LPCAT1: variants seen among roughly 807,000 people sequenced by gnomAD.
The protein encoded by LPCAT1 is lysophosphatidylcholine acyltransferase 1.
A neutral mutation model predicts 60.9 loss-of-function variants in LPCAT1; 23 were observed. The observed-to-expected ratio is 0.38, with a 90% CI of 0.27 to 0.53. LPCAT1 has a LOEUF of 0.53. Among genes scored for constraint, LPCAT1 ranks in the 20% least tolerant of loss-of-function variants. LPCAT1 has a pLI of 0.82. For missense variants in LPCAT1, 622 were observed against 723.6 expected, an observed-to-expected ratio of 0.86 and a Z score of 1.61; for synonymous variants, 340 against 301.1, an observed-to-expected ratio of 1.13 and a Z score of -1.34.
At chr5:1,464,783 C>T (rs12516379) in intron 13 of LPCAT1, among the ~76,000 whole-genome samples, 1,509 of 147,574 alleles carry the variant, frequency 0.01, 26 homozygotes, top group African/African-American at 0.035. Context: ...ACCAAACACA[C>T]GTGCGCGCAC....
chr5:1,512,328 GCAT>G (rs1332789267), intron 1 of LPCAT1, among the ~76,000 whole-genome samples: 2 of 152,194 alleles, frequency 1.3e-5, no homozygotes, highest in African/African-American at 4.8e-5. Context: ...TGTCAGCTCT[GCAT>G]CATCATCCCA....
rs7702074 is a variant in LPCAT1, at chr5:1,521,361, T to C, written c.135+2349A>G. 1,671 of 985,452 alleles carry C rather than the reference T, an allele frequency of 1.7e-3. 18 individuals are homozygous for C. The African/African-American group carries it at 0.026, about 15-fold the overall frequency. The allele number at this position is 985,452 out of a possible 1,614,324, so 61.0% of individuals were successfully genotyped here. On this transcript the variant is annotated intron_variant, in intron 1 of 13. Coordinates refer to ENST00000283415, the MANE Select transcript of LPCAT1 (RefSeq NM_024830.5). This position sits in a 1 kb window ranked among gnomAD's most constrained non-coding sequence, Gnocchi z 4.3. ...CAGGTACTCACTGGTTTATCTCAAC[T>C]GGGAACTTAGCTGGGTTTCTGCGGG... is the stretch of plus-strand genomic sequence containing the variant.
chr5:1,470,287 C>G (rs1480248762), intron 12 of LPCAT1, among the ~76,000 whole-genome samples: 2 of 152,268 alleles, frequency 1.3e-5, no homozygotes, highest in Non-Finnish European at 2.9e-5. Context: ...CCCTCCAGGC[C>G]TGACCCAGAC....
At position 1,463,756 on chromosome 5, in the gene LPCAT1, G is replaced by A. The variant is rs778231964; in HGVS notation, c.1500C>T (p.Ser500=). Residue 500 remains serine (S), a synonymous_variant, in exon 14 of 14, where the codon AGC becomes AGT. Coordinates refer to ENST00000283415, the MANE Select transcript of LPCAT1 (RefSeq NM_024830.5). The part of the protein sequence containing the change: ...YLYPDQTHFE[S]CAETSPAPIP... ...TTGGCGCAGGTGAGGTCTCTGCACA[G>A]CTTTCGAAATGTGTCTGATCCGGGT... 5 of 1,614,278 alleles carry A rather than the reference G, an allele frequency of 3.1e-6. No homozygotes were observed. The highest frequency in any genetic ancestry group is 2.2e-5 in the East Asian group (1 of 44,876).
In LPCAT1 at chr5:1,506,741, GGCAGCGTC is replaced by G. The variant is rs1219080552; in HGVS notation, c.136-5146_136-5139del. ...AGGGGGCTGGCAGTGCGGTCTCCCA[GGCAGCGTC>G]GCTGGAGACTCAGGTCGCTAAAGTG... On this transcript the variant is annotated intron_variant, in intron 1 of 13. Transcript: ENST00000283415. 7.2e-5 allele frequency among the ~76,000 whole-genome samples: 11 copies of G among 152,392 alleles called. No homozygotes were observed. In the East Asian group the frequency reaches 2.1e-3, roughly 29 times the overall value.
Position 1,480,465 on chromosome 5 carries a change from G to T in LPCAT1, c.761+477C>A. 3.0e-6 allele frequency: 2 copies of T among 677,546 alleles called. No individual in the cohort carries two copies. Among genetic ancestry groups the T allele is most frequent in the Non-Finnish European group, 3.6e-6 (2 of 548,842 alleles). The allele number at this position is 677,546 out of a possible 1,614,324, so 42.0% of individuals were successfully genotyped here. A position where few individuals can be genotyped will look rare whatever the true frequency, so the allele number is the denominator to read the frequency against. Reference sequence around the variant, plus strand: ...TGTGGCCCCGGGCTTCTCCTCTGGGGCTCGTTCCCGTTTCCGTGGGGTTGT... The same window carrying T: ...TGTGGCCCCGGGCTTCTCCTCTGGGTCTCGTTCCCGTTTCCGTGGGGTTGT... On this transcript the variant is annotated intron_variant, in intron 7 of 13. Transcript: ENST00000283415. This position sits in a 1 kb window ranked among gnomAD's most constrained non-coding sequence, Gnocchi z 6.4.
chr5:1,494,865 C>T lies in LPCAT1; in HGVS notation c.328G>A (p.Gly110Ser), dbSNP rs369052835. 13 of 1,613,090 alleles carry T rather than the reference C, an allele frequency of 8.1e-6. No individual in the cohort carries two copies. The highest frequency in any genetic ancestry group is 2.2e-5 in the South Asian group (2 of 90,998). ...KAIMRTMWFA[G>S]GFHRVAVKGR... ...TTCACGGCCACCCGGTGGAAGCCGC[C>T]GGCGAACCACATGGTGCGCATGATG... is the stretch of plus-strand genomic sequence containing the variant. The change falls in exon 3 of 14, where the codon GGC becomes AGC. Residue 110 changes from glycine to serine, a missense_variant. Physicochemically the swap from Gly to Ser is moderately conservative, Grantham distance 56. This residue lies in a region of LPCAT1 where 209 missense variants were observed against 325.5 expected (regional missense o/e 0.64). Transcript: ENST00000283415.
chr5:1,466,864 G>A lies in LPCAT1; in HGVS notation c.1305C>T (p.Ser435=), dbSNP rs1462910378. The part of the protein sequence containing the change: ...FKMYGAQEDG[S]VGEGDLSCIL... The stretch of plus-strand genomic sequence containing the variant: ...TGCAGGACAGGTCACCTTCGCCGAC[G>A]CTGCCGTCCTCTTGCGCTCCGTACA... The change falls in exon 13 of 14, where the codon AGC becomes AGT. Residue 435 remains serine, a synonymous_variant. Coordinates refer to ENST00000283415, the MANE Select transcript of LPCAT1 (RefSeq NM_024830.5). 2.5e-6 allele frequency: 4 copies of A among 1,607,620 alleles called. No individual in the cohort carries two copies. The highest frequency in any genetic ancestry group is 3.4e-6 in the Non-Finnish European group (4 of 1,176,220).
At chr5:1,479,551 A>G in intron 8 of LPCAT1, 70 bp downstream of exon 8, 1 of 1,112,028 alleles carries the variant, frequency 9.0e-7, no homozygotes, top group South Asian at 1.2e-5. Context: ...TTATCTGGGC[A>G]TCCTGGTGTA....
At chr5:1,469,478 G>A (rs772143172) in intron 12 of LPCAT1, among the ~76,000 whole-genome samples, 11 of 152,240 alleles carry the variant, frequency 7.2e-5, no homozygotes, top group Non-Finnish European at 1.6e-4. Context: ...TACAGCAGGG[G>A]CTGGTGGGGC....
intron 1 of LPCAT1, among the ~76,000 whole-genome samples, chr5:1,508,580 C>A (rs534172017): frequency 6.6e-6 from 1 of 152,306 alleles, no homozygotes; most frequent in East Asian, 1.9e-4. Context: ...CGGTCTCGGA[C>A]TCCAGCCTCC....
At chr5:1,471,913 GGA>G (rs1734686333) in intron 11 of LPCAT1, among the ~76,000 whole-genome samples, 1 of 149,218 alleles carries the variant, frequency 6.7e-6, no homozygotes, top group East Asian at 2.0e-4. Context: ...GGAGCACCCA[GGA>G]GAGGGGAAGA....
rs920949210 is a variant in LPCAT1 at position 1,477,545 on chromosome 5, G to A, written c.817-59C>T. 7.1e-6 allele frequency: 9 copies of A among 1,275,578 alleles called. No homozygotes were observed. The South Asian group carries it at 1.1e-4, about 16-fold the overall frequency. The allele number at this position is 1,275,578 out of a possible 1,614,324, so 79.0% of individuals were successfully genotyped here. On this transcript the variant is annotated intron_variant, in intron 8 of 13. Transcript: ENST00000283415. The surrounding 1 kb of genome is among the most constrained non-coding windows in gnomAD (Gnocchi z 6.0). ...AGACGCTGACCTCAGCAACACCACT[G>A]TAACGACAACTGGGAGGCTGACAAA...
intron 1 of LPCAT1, among the ~76,000 whole-genome samples, chr5:1,501,852 G>A (rs1736025964): frequency 6.6e-6 from 1 of 152,094 alleles, no homozygotes; most frequent in South Asian, 2.1e-4. Context: ...GACCAAGGCT[G>A]ACCGGCACTG....
intron 1 of LPCAT1, among the ~76,000 whole-genome samples, chr5:1,508,309 G>A (rs577700900): frequency 2.6e-5 from 4 of 152,268 alleles, no homozygotes; most frequent in South Asian, 4.1e-4. Context: ...TGAATTTTGC[G>A]CCCCCTTCCC....
chr5:1,495,290 T>C lies in LPCAT1; in HGVS notation c.279-376A>G, dbSNP rs1560978914. On this transcript the variant is annotated intron_variant, in intron 2 of 13. Transcript: ENST00000283415. This position sits in a 1 kb window ranked among gnomAD's most constrained non-coding sequence, Gnocchi z 4.7. ...TTATCAGCATCCTATCATTTTGAAA[T>C]GGGAAAAACATTAAAACACCTAAAA... Among the ~76,000 whole-genome samples the C allele has an allele frequency of 6.8e-6, 1 of 146,614 alleles. No homozygotes were observed. Among genetic ancestry groups the C allele is most frequent in the Non-Finnish European group, 1.5e-5 (1 of 66,736 alleles).
chr5:1,463,776 C>A lies in LPCAT1; in HGVS notation c.1480G>T (p.Asp494Tyr). Reference sequence around the variant, plus strand: ...GCACAGCTTTCGAAATGTGTCTGATCCGGGTACAGGTATTCCTCTGCGAAG... The same window carrying A: ...GCACAGCTTTCGAAATGTGTCTGATACGGGTACAGGTATTCCTCTGCGAAG... ...PAFAEEYLYP[D>Y]QTHFESCAET... is the part of the protein sequence containing the mutation. The change falls in exon 14 of 14, where the codon GAT becomes TAT. Residue 494 changes from aspartate to tyrosine, a missense_variant. Physicochemically the swap from Asp to Tyr is radical, Grantham distance 160. Transcript: ENST00000283415. 1 of 1,614,220 alleles carries A rather than the reference C, an allele frequency of 6.2e-7. No individual in the cohort carries two copies. Among genetic ancestry groups the A allele is most frequent in the South Asian group, 1.1e-5 (1 of 91,082 alleles).
rs1735795077 is a variant in LPCAT1 at position 1,496,421 on chromosome 5, A to C, written c.279-1507T>G. Among the ~76,000 whole-genome samples the C allele has an allele frequency of 6.6e-6, 1 of 151,672 alleles. No homozygotes were observed. The highest frequency in any genetic ancestry group is 2.4e-5 in the African/African-American group (1 of 41,332). On this transcript the variant is annotated intron_variant, in intron 2 of 13. Transcript: ENST00000283415. The surrounding 1 kb of genome is among the most constrained non-coding windows in gnomAD (Gnocchi z 4.7). ...CTGTGCACATGTTATTTTCCACAAA[A>C]AAAAAAAAAAAGTACAAAAACAAAA... is the stretch of plus-strand genomic sequence containing the variant.
rs1048622819 is a variant in LPCAT1, at chr5:1,521,808, G to A, written c.135+1902C>T. Among the ~76,000 whole-genome samples, 18 of 152,162 alleles carry A rather than the reference G, an allele frequency of 1.2e-4. No homozygotes were observed. Among genetic ancestry groups the A allele is most frequent in the Admixed American group, 3.3e-4 (5 of 15,280 alleles). ...CCTCTCGATGACCCCCTGCCCAAGA[G>A]CCACTGGGAGCAGCTTGCACCCTGA... On this transcript the variant is annotated intron_variant, in intron 1 of 13. Coordinates refer to ENST00000283415, the MANE Select transcript of LPCAT1 (RefSeq NM_024830.5). This position sits in a 1 kb window ranked among gnomAD's most constrained non-coding sequence, Gnocchi z 4.3.
Sources: allele counts gnomAD v4.1 joint callset (sites outside exome capture counted in the v4.1 genomes callset), GRCh38; gene constraint gnomAD v4.1.1; regional missense constraint gnomAD v4.1.1; non-coding constraint Gnocchi (gnomAD v3.1); transcripts MANE v1.5; gene names NCBI Gene and HGNC (gene_info 2026-07-23, HGNC 2026-07-21).